Variants in PPP2R5E observed in about 807,000 individuals in gnomAD.
PPP2R5E encodes serine/threonine-protein phosphatase 2A 56 kDa regulatory subunit epsilon isoform.
In PPP2R5E, 4 loss-of-function variants were observed where a neutral mutation model predicts 65.3. The observed-to-expected ratio is 0.06, with a 90% confidence interval of 0.03 to 0.14. PPP2R5E has a LOEUF of 0.14. Ranked by LOEUF, PPP2R5E falls within the 10% of genes least tolerant of loss-of-function variation. The pLI, the probability that PPP2R5E is intolerant of heterozygous loss-of-function variation, is 1.00. For missense variants in PPP2R5E, 274 were observed against 556.1 expected (o/e 0.49, Z 5.10); for synonymous variants, 183 against 187.4 (o/e 0.98, Z 0.19).
chr14:63,405,402 G>A (rs968307426), intron 5 of PPP2R5E, among the ~76,000 whole-genome samples: 2 of 152,038 alleles, frequency 1.3e-5, no homozygotes, highest in African/African-American at 4.8e-5. Flanking sequence ...AATTTGTCTT[G>A]AGTTTTTAAA....
At chr14:63,516,205 C>T (rs1316233841) in intron 2 of PPP2R5E, among the ~76,000 whole-genome samples, 4 of 152,154 alleles carry the variant, frequency 2.6e-5, no homozygotes, top group Non-Finnish European at 5.9e-5. Context: ...AGGGTGAATA[C>T]ATTTTCTTAT....
chr14:63,488,574 C>G (rs1319532498), intron 2 of PPP2R5E, among the ~76,000 whole-genome samples: 8 of 152,090 alleles, frequency 5.3e-5, no homozygotes, highest in Admixed American at 5.2e-4. Flanking sequence ...AAGGGCCAAG[C>G]ATTGTGGGTC....
intron 3 of PPP2R5E, among the ~76,000 whole-genome samples, chr14:63,441,576 T>C (rs1406920833): frequency 6.6e-6 from 1 of 152,254 alleles, no homozygotes; most frequent in Non-Finnish European, 1.5e-5. Context: ...ACATGTACCT[T>C]TGAAAATTTA....
In PPP2R5E at chr14:63,470,022, A is replaced by G. The variant is rs187067998; in HGVS notation, c.158-16137T>C. On this transcript the variant is annotated intron_variant, in intron 2 of 13. Coordinates refer to ENST00000337537, the MANE Select transcript of PPP2R5E (RefSeq NM_006246.5). ...TTGGACAGATAAATGTGGCAGTAGGATTATAAAGAATAAACAATGATTTTT... is the reference window on the plus strand; with the variant it reads ...TTGGACAGATAAATGTGGCAGTAGGGTTATAAAGAATAAACAATGATTTTT... 5.5e-3 allele frequency among the ~76,000 whole-genome samples: 839 copies of G among 152,212 alleles called. 9 individuals are homozygous for G. The highest frequency in any genetic ancestry group is 0.019 in the African/African-American group (779 of 41,508).
chr14:63,515,428 A>C (rs1255754), intron 2 of PPP2R5E, among the ~76,000 whole-genome samples: 34,817 of 152,182 alleles, frequency 0.23, 5,530 homozygotes, highest in African/African-American at 0.45. Context: ...ATCACACTTA[A>C]TGAATTCTGC....
In PPP2R5E at chr14:63,539,682, A is replaced by T; in HGVS notation, c.4T>A (p.Ser2Thr). The T allele has an allele frequency of 6.2e-7, 1 of 1,613,292 alleles. No homozygotes were observed. The change falls in exon 2 of 14, where the codon TCC (serine) becomes ACC (threonine). Residue 2 changes from serine to threonine, a missense_variant. This residue lies in a region of PPP2R5E where 58 missense variants were observed against 64.8 expected (regional missense o/e 0.90). Coordinates refer to ENST00000337537, the MANE Select transcript of PPP2R5E (RefSeq NM_006246.5). M[S>T]SAPTTPPSVD... ...GATGGAGGAGTAGTTGGTGCTGAGG[A>T]CATATCCCTACTGAAGAGAAAGAAG... is the stretch of plus-strand genomic sequence containing the variant.
At chr14:63,387,304 T>C (rs748401594) in intron 11 of PPP2R5E, among the ~76,000 whole-genome samples, 1 of 152,230 alleles carries the variant, frequency 6.6e-6, no homozygotes, top group African/African-American at 2.4e-5. Context: ...CATTTTAATA[T>C]GTAAACCCAC....
chr14:63,466,685 G>A (rs879450488), intron 2 of PPP2R5E, among the ~76,000 whole-genome samples: 3 of 152,154 alleles, frequency 2.0e-5, no homozygotes, highest in Non-Finnish European at 2.9e-5. Flanking sequence ...TTATTTCCTC[G>A]TGTGTATAAA....
rs1883691255 is a variant in PPP2R5E at position 63,371,564 on chromosome 14, G to GA, written c.*4444dup. 2 of 152,212 alleles carry GA rather than the reference G, an allele frequency of 1.3e-5. No individual in the cohort carries two copies. The highest frequency in any genetic ancestry group is 2.9e-5 in the Non-Finnish European group (2 of 68,034). 9.4% of individuals were successfully genotyped at this position (152,212 alleles called of 1,614,324 possible). On this transcript the variant is annotated 3_prime_UTR_variant, in exon 14 of 14. Transcript: ENST00000337537. ...ACTCAGCTTGTATTTTGTGGTGTTT[G>GA]AAAAGGAAGTAGCATGTTTTAGCCA...
chr14:63,517,214 T>A (rs1373661907), intron 2 of PPP2R5E, among the ~76,000 whole-genome samples: 1 of 151,980 alleles, frequency 6.6e-6, no homozygotes, highest in Non-Finnish European at 1.5e-5. Context: ...TTAAAAAAAA[T>A]AAAAAATAAA....
At chr14:63,542,283 G>C (rs544771691) in intron 1 of PPP2R5E, among the ~76,000 whole-genome samples, 8 of 152,296 alleles carry the variant, frequency 5.3e-5, no homozygotes, top group African/African-American at 1.9e-4. Context: ...CCCTGGGCCA[G>C]GGCTCCCGAA....
intron 2 of PPP2R5E, among the ~76,000 whole-genome samples, chr14:63,522,713 G>A (rs1892984464): frequency 1.4e-5 from 2 of 147,956 alleles, no homozygotes; most frequent in African/African-American, 5.0e-5. Context: ...CTGCCCGGCC[G>A]CCCCGTCTGA....
intron 13 of PPP2R5E, among the ~76,000 whole-genome samples, chr14:63,380,671 A>C (rs536812338): frequency 3.3e-5 from 5 of 152,042 alleles, no homozygotes; most frequent in African/African-American, 7.2e-5. Context: ...CAAAAAACAA[A>C]AAAAAAAAAG....
At chr14:63,418,459 C>A (rs1350054387) in intron 4 of PPP2R5E, among the ~76,000 whole-genome samples, 1 of 152,178 alleles carries the variant, frequency 6.6e-6, no homozygotes, top group East Asian at 1.9e-4. Context: ...GAGAAAGATT[C>A]TACGTCAAAA....
rs1566736534 is a variant in PPP2R5E at position 63,484,388 on chromosome 14, A to ACACAC, written c.158-30504_158-30503insGTGTG. 7.8e-3 allele frequency among the ~76,000 whole-genome samples: 976 copies of ACACAC among 124,506 alleles called. 16 individuals are homozygous for ACACAC. Among genetic ancestry groups the ACACAC allele is most frequent in the African/African-American group, 0.028 (915 of 32,522 alleles). The allele number at this position is 124,506 out of a possible 152,430, so 81.7% of individuals were successfully genotyped here. On this transcript the variant is annotated intron_variant, in intron 2 of 13. Coordinates refer to ENST00000337537, the MANE Select transcript of PPP2R5E (RefSeq NM_006246.5). ...ACACACACACACACACACACACACA[A>ACACAC]AGAATCGTATCAAGTGTAAAGAAGA...
Position 63,389,741 on chromosome 14 carries a change from CA to C in PPP2R5E, c.955-11del. 6.3e-7 allele frequency: 1 copy of C among 1,581,506 alleles called. No individual in the cohort carries two copies. Among genetic ancestry groups the C allele is most frequent in the East Asian group, 2.3e-5 (1 of 43,640 alleles). Reference sequence around the variant, plus strand: ...CCCCAAGGAACATGACCTGTAAGTACAAGCAAAATACAAGATGTGAGGCACA... The same window carrying C: ...CCCCAAGGAACATGACCTGTAAGTACAGCAAAATACAAGATGTGAGGCACA... On this transcript the variant is annotated splice_polypyrimidine_tract_variant and intron_variant, in intron 10 of 13. Coordinates refer to ENST00000337537, the MANE Select transcript of PPP2R5E (RefSeq NM_006246.5).
intron 4 of PPP2R5E, among the ~76,000 whole-genome samples, chr14:63,420,594 A>G (rs1047477929): frequency 6.6e-6 from 1 of 152,224 alleles, no homozygotes; most frequent in African/African-American, 2.4e-5. Context: ...CTCTCTACGT[A>G]ACAACGGGAA....
Position 63,393,936 on chromosome 14 carries a change from GAA to G in PPP2R5E, c.741-10_741-9del. On this transcript the variant is annotated splice_polypyrimidine_tract_variant and intron_variant, in intron 7 of 13. Coordinates refer to ENST00000337537, the MANE Select transcript of PPP2R5E (RefSeq NM_006246.5). ...GCAAAGCCATTGATAATACTAGGGA[GAA>G]AAAAGAGACACAAATTAGCAATGTT... 1 of 1,506,444 alleles carries G rather than the reference GAA, an allele frequency of 6.6e-7. No individual in the cohort carries two copies. The highest frequency in any genetic ancestry group is 9.2e-7 in the Non-Finnish European group (1 of 1,086,040). The allele number at this position is 1,506,444 out of a possible 1,614,324, so 93.3% of individuals were successfully genotyped here. A position where few individuals can be genotyped will look rare whatever the true frequency, so the allele number is the denominator to read the frequency against.
intron 3 of PPP2R5E, among the ~76,000 whole-genome samples, chr14:63,432,782 G>A (rs966923622): frequency 3.9e-5 from 6 of 152,124 alleles, no homozygotes; most frequent in African/African-American, 4.8e-5. Flanking sequence ...CAAGTTAATA[G>A]AAGCAGAATT....
Sources: allele counts gnomAD v4.1 joint callset (sites outside exome capture counted in the v4.1 genomes callset), GRCh38; gene constraint gnomAD v4.1.1; regional missense constraint gnomAD v4.1.1; transcripts MANE v1.5; gene names NCBI Gene and HGNC (gene_info 2026-07-23, HGNC 2026-07-21).